The following ZRSR2 variants were observed in gnomAD, a reference collection of about 807,000 sequenced individuals.
ZRSR2 encodes U2 small nuclear ribonucleoprotein auxiliary factor 35 kDa subunit-related protein 2.
Under a neutral mutation model 39.4 loss-of-function variants are expected in ZRSR2, and 3 were observed. The ratio of observed to expected loss-of-function variants is 0.08; its 90% CI spans 0.03 to 0.20. ZRSR2 has a LOEUF of 0.20. Ranked by LOEUF, ZRSR2 falls within the 10% of genes least tolerant of loss-of-function variation. ZRSR2 has a pLI of 1.00. For missense variants in ZRSR2, 256 were observed against 391.5 expected, an observed-to-expected ratio of 0.65 and a Z score of 2.92; for synonymous variants, 137 against 136.0, an observed-to-expected ratio of 1.01 and a Z score of -0.05.
intron 2 of ZRSR2, among the ~76,000 whole-genome samples, chrX:15,793,035 T>G (rs1932332662): frequency 8.9e-6 from 1 of 111,971 alleles, no homozygotes; most frequent in African/African-American, 3.2e-5. Flanking sequence ...CATTTCTGTC[T>G]TATTAGTTGA....
In ZRSR2 at chrX:15,804,102, C is replaced by T. The variant is rs1446386297; in HGVS notation, c.313-9C>T. On this transcript the variant is annotated splice_polypyrimidine_tract_variant and intron_variant, in intron 4 of 10. Coordinates refer to ENST00000307771, the MANE Select transcript of ZRSR2 (RefSeq NM_005089.4). ...CTGAAACAAAGTTACTTTTTCTTCCCCTTTAAAGAGAAAGTTAAAGGAACA... is the reference window on the plus strand; with the variant it reads ...CTGAAACAAAGTTACTTTTTCTTCCTCTTTAAAGAGAAAGTTAAAGGAACA... The T allele has an allele frequency of 1.7e-6, 2 of 1,175,071 alleles. No homozygotes were observed. The highest frequency in any genetic ancestry group is 2.3e-6 in the Non-Finnish European group (2 of 882,250).
rs773510293 is a variant in ZRSR2 at position 15,803,727 on chromosome X, G to A, written c.243G>A (p.Lys81=). The A allele has an allele frequency of 8.3e-7, 1 of 1,203,095 alleles. No individual in the cohort carries two copies. Among genetic ancestry groups the A allele is most frequent in the Middle Eastern group, 2.3e-4 (1 of 4,344 alleles). The part of the protein sequence containing the change: ...LHEEWLLREQ[K]AQEEFRIKKE... Reference sequence around the variant, plus strand: ...AGGAGTGGTTGCTAAGAGAGCAGAAGGCACAAGAAGAATTCAGAATAAAGA... The same window carrying A: ...AGGAGTGGTTGCTAAGAGAGCAGAAAGCACAAGAAGAATTCAGAATAAAGA... The change falls in exon 4 of 11, where the codon AAG becomes AAA. Residue 81 remains lysine (K), a synonymous_variant. Coordinates refer to ENST00000307771, the MANE Select transcript of ZRSR2 (RefSeq NM_005089.4).
intron 9 of ZRSR2, 144 bp downstream of exon 9, chrX:15,818,786 T>C: frequency 1.9e-6 from 1 of 534,501 alleles, no homozygotes; most frequent in East Asian, 4.2e-5. Flanking sequence ...TTTTTTTCTT[T>C]TGAGACGGAG....
chrX:15,808,164 A>G (rs1932828149), intron 5 of ZRSR2, 69 bp from the exon 6 acceptor site: 1 of 958,114 alleles, frequency 1.0e-6, no homozygotes, highest in Non-Finnish European at 1.5e-6. Flanking sequence ...GAGATTCTTA[A>G]CCAGAGAAAC....
intron 2 of ZRSR2, among the ~76,000 whole-genome samples, chrX:15,797,232 C>G (rs58393311): frequency 3.3e-5 from 3 of 91,484 alleles, no homozygotes; most frequent in Non-Finnish European, 6.4e-5. Flanking sequence ...TTTTTTGAGA[C>G]GGTGTTTTGC....
chrX:15,790,499 G>T lies in ZRSR2; in HGVS notation c.4G>T (p.Ala2Ser). ...GGGGCGGGGCGGTGCCGGCAAGATG[G>T]CTGCGCCCGAGAAGATGACGTTTCC... M[A>S]APEKMTFPEK... is the part of the protein sequence containing the mutation. The change falls in exon 1 of 11, where the codon GCT becomes TCT. Residue 2 changes from alanine to serine, a missense_variant. Transcript: ENST00000307771. 6.9e-6 allele frequency: 8 copies of T among 1,160,350 alleles called. No homozygotes were observed. Among genetic ancestry groups the T allele is most frequent in the Non-Finnish European group, 9.2e-6 (8 of 871,053 alleles).
chrX:15,804,127 A>C lies in ZRSR2; in HGVS notation c.329A>C (p.Gln110Pro), dbSNP rs1161518400. ...QEEQERKLKE[Q>P]WEEQQRKERE... ...CCTTTAAAGAGAAAGTTAAAGGAAC[A>C]ATGGGAAGAACAGCAGAGGAAAGAG... Residue 110 changes from glutamine to proline, a missense_variant, in exon 5 of 11, where the codon CAA becomes CCA. By Grantham distance (76) the Gln-to-Pro change is moderately conservative. Transcript: ENST00000307771. 2 of 1,189,599 alleles carry C rather than the reference A, an allele frequency of 1.7e-6. No homozygotes were observed. The highest frequency in any genetic ancestry group is 2.3e-6 in the Non-Finnish European group (2 of 888,814).
chrX:15,809,160 G>A lies in ZRSR2; in HGVS notation c.439-40G>A, dbSNP rs181459913. On this transcript the variant is annotated intron_variant, in intron 6 of 10. Transcript: ENST00000307771. ...CTTTGAAACATTTCGTCTTTCATGG[G>A]TTTTTACTCCACCAGTAAAGTCATG... 44 of 978,131 alleles carry A rather than the reference G, an allele frequency of 4.5e-5. No homozygotes were observed. In the East Asian group the frequency reaches 1.3e-3, roughly 29 times the overall value. 80.6% of individuals were successfully genotyped at this position (978,131 alleles called of 1,213,427 possible).
At chrX:15,794,479 A>G (rs943299601) in intron 2 of ZRSR2, among the ~76,000 whole-genome samples, 2 of 112,257 alleles carry the variant, frequency 1.8e-5, no homozygotes, top group African/African-American at 3.2e-5. Context: ...ATTATATACC[A>G]TATTCTTATA....
intron 4 of ZRSR2, 89 bp downstream of exon 4, chrX:15,803,885 G>A: frequency 9.0e-7 from 1 of 1,114,126 alleles, no homozygotes; most frequent in Non-Finnish European, 1.2e-6. Context: ...GGAGGTTGGA[G>A]TGAGCTGAGA....
At position 15,823,042 on chromosome X, in the gene ZRSR2, A is replaced by T; in HGVS notation, c.1249A>T (p.Arg417Trp). ...CAAACGCACATCAAAGAGTCGGGAG[A>T]GGCACAATTCACGAAGCAGAGGAAG... The part of the protein sequence containing the change: ...SHKRTSKSRE[R>W]HNSRSRGRNR... The change falls in exon 11 of 11, where the codon AGG becomes TGG. Residue 417 changes from arginine to tryptophan, a missense_variant. Transcript: ENST00000307771. 8.3e-7 allele frequency: 1 copy of T among 1,212,025 alleles called. No homozygotes were observed. The highest frequency in any genetic ancestry group is 1.1e-6 in the Non-Finnish European group (1 of 895,524).
chrX:15,799,453 C>CT (rs781082388), intron 2 of ZRSR2, among the ~76,000 whole-genome samples: 3,067 of 93,456 alleles, frequency 0.033, 196 homozygotes, highest in African/African-American at 0.11. Flanking sequence ...CCCCCACCAC[C>CT]TTTTTTTTTT....
chrX:15,799,776 A>G (rs1425080610), intron 2 of ZRSR2, 96 bp from the exon 3 acceptor site: 2 of 524,725 alleles, frequency 3.8e-6, no homozygotes, highest in Admixed American at 3.9e-5. Flanking sequence ...GATTTTTACC[A>G]TAATTTTATA....
intron 2 of ZRSR2, among the ~76,000 whole-genome samples, chrX:15,793,745 C>T (rs1386460712): frequency 8.9e-6 from 1 of 112,188 alleles, no homozygotes; most frequent in African/African-American, 3.2e-5. Context: ...ACCATGTTGG[C>T]CAGGCTGGTC....
chrX:15,791,057 T>C (rs765431633), intron 2 of ZRSR2, 44 bp downstream of exon 2: 1 of 1,113,887 alleles, frequency 9.0e-7, no homozygotes, highest in Non-Finnish European at 1.2e-6. Context: ...GAAATTGCTC[T>C]GTCCACTCCA....
intron 3 of ZRSR2, 75 bp downstream of exon 3, chrX:15,800,028 C>T: frequency 7.1e-6 from 5 of 708,572 alleles, no homozygotes; most frequent in Non-Finnish European, 1.0e-5. Flanking sequence ...CTAACCAGTA[C>T]CAGTCTTCTG....
intron 1 of ZRSR2, 146 bp downstream of exon 1, chrX:15,790,682 T>G: frequency 1.2e-6 from 1 of 857,235 alleles, no homozygotes; most frequent in Non-Finnish European, 1.6e-6. Flanking sequence ...TCTGGTGCCC[T>G]CCCCGGACTT....
chrX:15,791,467 G>T (rs1261880741), intron 2 of ZRSR2, among the ~76,000 whole-genome samples: 1 of 110,779 alleles, frequency 9.0e-6, no homozygotes, highest in Non-Finnish European at 1.9e-5. Context: ...CATAATACTA[G>T]TTATGAAGCT....
intron 10 of ZRSR2, 121 bp from the exon 11 acceptor site, chrX:15,822,610 A>G: frequency 8.8e-7 from 1 of 1,138,144 alleles, no homozygotes; most frequent in Non-Finnish European, 1.2e-6. Context: ...CTTTTACATA[A>G]TACACAGTAG....
Sources: gnomAD v4.1 joint callset for allele counts (sites outside exome capture counted in the v4.1 genomes callset) on GRCh38, gnomAD v4.1.1 for gene constraint, MANE v1.5 for transcripts, NCBI Gene and HGNC (gene_info 2026-07-23, HGNC 2026-07-21) for gene names.